Variants in IQCH observed in about 807,000 individuals in gnomAD.
IQCH encodes IQ domain-containing protein H.
A neutral mutation model predicts 117.0 loss-of-function variants in IQCH; 98 were observed. That is an observed-to-expected ratio of 0.84 (90% CI 0.71 to 0.99). The LOEUF (loss-of-function observed/expected upper bound fraction) is 0.99. Among genes scored for constraint, IQCH ranks in the 50% least tolerant of loss-of-function variants. The pLI, the probability that IQCH is intolerant of heterozygous loss-of-function variation, is 0.00. For missense variants in IQCH, 1,102 were observed against 1,243.8 expected (o/e 0.89, Z 1.72); for synonymous variants, 412 against 448.2 (o/e 0.92, Z 1.02).
At chr15:67,264,051 G>C (rs1965567888) in intron 3 of IQCH, among the ~76,000 whole-genome samples, 1 of 152,212 alleles carries the variant, frequency 6.6e-6, no homozygotes, top group African/African-American at 2.4e-5. Flanking sequence ...GTCAAGGAAA[G>C]CTGTAGACAT....
intron 18 of IQCH, among the ~76,000 whole-genome samples, chr15:67,478,209 A>T (rs181862920): frequency 6.6e-6 from 1 of 151,994 alleles, no homozygotes; most frequent in East Asian, 1.9e-4. Context: ...ACATGGTGAA[A>T]CTCCGTCTCT....
intron 18 of IQCH, among the ~76,000 whole-genome samples, chr15:67,480,290 A>G (rs2083309775): frequency 6.6e-6 from 1 of 152,222 alleles, no homozygotes; most frequent in African/African-American, 2.4e-5. Flanking sequence ...ATGGCCACAT[A>G]ACTTGCTTTG....
rs960399180 is a variant in IQCH, at chr15:67,433,349, G to A, written c.2505+11772G>A. 6.6e-6 allele frequency among the ~76,000 whole-genome samples: 1 copy of A among 152,178 alleles called. No individual in the cohort carries two copies. Among genetic ancestry groups the A allele is most frequent in the Non-Finnish European group, 1.5e-5 (1 of 68,034 alleles). ...TCTGTTTCTTAACACTGATAGTGCA[G>A]GTAAACTAGTGGCCAACTTTGCTAT... On this transcript the variant is annotated intron_variant, in intron 16 of 20. Coordinates refer to ENST00000335894, the MANE Select transcript of IQCH (RefSeq NM_001031715.3). This position sits in a 1 kb window ranked among gnomAD's most constrained non-coding sequence, Gnocchi z 5.4.
chr15:67,479,899 A>G lies in IQCH; in HGVS notation c.2799+4081A>G, dbSNP rs765293553. ...GAAAAAAGGGAAATGAGATCACTCT[A>G]TGAGTTTATTTTTCCTTGACACATA... On this transcript the variant is annotated intron_variant, in intron 18 of 20. Transcript: ENST00000335894. The surrounding 1 kb of genome is among the most constrained non-coding windows in gnomAD (Gnocchi z 4.6). Among the ~76,000 whole-genome samples, 17 of 152,208 alleles carry G rather than the reference A, an allele frequency of 1.1e-4. No homozygotes were observed. Among genetic ancestry groups the G allele is most frequent in the Non-Finnish European group, 2.4e-4 (16 of 68,032 alleles).
chr15:67,306,999 A>G lies in IQCH; in HGVS notation c.387+27487A>G, dbSNP rs1042419813. The G allele has an allele frequency of 5.2e-6, 7 of 1,354,096 alleles. No homozygotes were observed. The African/African-American group carries it at 7.5e-5, about 14-fold the overall frequency. The allele number at this position is 1,354,096 out of a possible 1,614,324, so 83.9% of individuals were successfully genotyped here. A position where few individuals can be genotyped will look rare whatever the true frequency, so the allele number is the denominator to read the frequency against. On this transcript the variant is annotated intron_variant, in intron 4 of 20. Coordinates refer to ENST00000335894, the MANE Select transcript of IQCH (RefSeq NM_001031715.3). ...AAGTGTTTCTTAAAAGGCTTGAAAC[A>G]TGTATCTGTTAACATGAATTTTAAA... is the stretch of plus-strand genomic sequence containing the variant.
Position 67,340,137 on chromosome 15 carries a change from G to C in IQCH, c.508+3042G>C, listed in dbSNP as rs190735658. Reference sequence around the variant, plus strand: ...ACGCATCAACCTTGATTCTTTAAAAGTGACTCGTCGGCCAGCACATTGGTT... The same window carrying C: ...ACGCATCAACCTTGATTCTTTAAAACTGACTCGTCGGCCAGCACATTGGTT... On this transcript the variant is annotated intron_variant, in intron 5 of 20. Transcript: ENST00000335894. Among the ~76,000 whole-genome samples, 4 of 152,012 alleles carry C rather than the reference G, an allele frequency of 2.6e-5. No individual in the cohort carries two copies. In the South Asian group the frequency reaches 8.3e-4, roughly 31 times the overall value.
Position 67,365,513 on chromosome 15 carries a change from A to G in IQCH, c.753+5628A>G, listed in dbSNP as rs1970301630. Among the ~76,000 whole-genome samples, 1 of 152,232 alleles carries G rather than the reference A, an allele frequency of 6.6e-6. No individual in the cohort carries two copies. Among genetic ancestry groups the G allele is most frequent in the Admixed American group, 6.5e-5 (1 of 15,276 alleles). On this transcript the variant is annotated intron_variant, in intron 8 of 20. Coordinates refer to ENST00000335894, the MANE Select transcript of IQCH (RefSeq NM_001031715.3). The surrounding 1 kb of genome is among the most constrained non-coding windows in gnomAD (Gnocchi z 4.4). ...GGCACTGGGGACACAACAATGAATG[A>G]AGCAAACCTAGTCCTTGTCCTCTTG...
intron 4 of IQCH, among the ~76,000 whole-genome samples, chr15:67,320,797 G>A (rs1296600696): frequency 1.3e-5 from 2 of 152,036 alleles, no homozygotes; most frequent in African/African-American, 4.8e-5. Context: ...AAGAATGCTG[G>A]TTCTTTGGAA....
Position 67,500,691 on chromosome 15 carries a change from T to C in IQCH, c.3029T>C (p.Phe1010Ser). The change falls in exon 21 of 21, where the codon TTT becomes TCT. Residue 1010 changes from phenylalanine to serine, a missense_variant. By Grantham distance (155) the Phe-to-Ser change is radical. Transcript: ENST00000335894. This position sits in a 1 kb window ranked among gnomAD's most constrained non-coding sequence, Gnocchi z 4.4. ...LRVTKENKMR[F>S]EEEQQSKDDK... Reference sequence around the variant, plus strand: ...GTAACAAAGGAAAACAAAATGAGATTTGAAGAGGAGCAACAGTCCAAAGAT... The same window carrying C: ...GTAACAAAGGAAAACAAAATGAGATCTGAAGAGGAGCAACAGTCCAAAGAT... 6.2e-7 allele frequency: 1 copy of C among 1,605,640 alleles called. No individual in the cohort carries two copies. Among genetic ancestry groups the C allele is most frequent in the Non-Finnish European group, 8.5e-7 (1 of 1,174,418 alleles).
intron 5 of IQCH, among the ~76,000 whole-genome samples, chr15:67,340,147 G>A (rs745542469): frequency 2.6e-5 from 4 of 151,874 alleles, no homozygotes; most frequent in Admixed American, 1.3e-4. Context: ...GTGACTCGTC[G>A]GCCAGCACAT....
At position 67,416,164 on chromosome 15, in the gene IQCH, C is replaced by T. The variant is rs901520621; in HGVS notation, c.2098-767C>T. 1.3e-5 allele frequency among the ~76,000 whole-genome samples: 2 copies of T among 152,162 alleles called. No homozygotes were observed. The highest frequency in any genetic ancestry group is 4.8e-5 in the African/African-American group (2 of 41,436). ...TTGGGAGGCCAAGGCGGGTGGATCA[C>T]CTGAGGTCAGGAGTTCGAGATCAGT... On this transcript the variant is annotated intron_variant, in intron 14 of 20. Coordinates refer to ENST00000335894, the MANE Select transcript of IQCH (RefSeq NM_001031715.3). This position sits in a 1 kb window ranked among gnomAD's most constrained non-coding sequence, Gnocchi z 5.1.
chr15:67,261,834 C>T (rs996950438), intron 2 of IQCH, among the ~76,000 whole-genome samples: 2 of 152,156 alleles, frequency 1.3e-5, no homozygotes, highest in Non-Finnish European at 2.9e-5. Flanking sequence ...GCCTGTAATC[C>T]AAGCACTTTG....
At chr15:67,378,855 G>T (rs1338797591) in intron 10 of IQCH, among the ~76,000 whole-genome samples, 2 of 151,980 alleles carry the variant, frequency 1.3e-5, no homozygotes, top group East Asian at 3.9e-4. Context: ...ATATTAAAAG[G>T]CTCGTTCAGT....
chr15:67,260,375 G>A (rs1271524914), intron 1 of IQCH, among the ~76,000 whole-genome samples: 1 of 152,122 alleles, frequency 6.6e-6, no homozygotes, highest in Admixed American at 6.5e-5. Context: ...AAATGTTAAA[G>A]TAATAATATA....
At chr15:67,492,537 G>A (rs1432415910) in intron 19 of IQCH, among the ~76,000 whole-genome samples, 1 of 152,184 alleles carries the variant, frequency 6.6e-6, no homozygotes, top group African/African-American at 2.4e-5. Context: ...CAACCGCAAA[G>A]AGTAAAGGGA....
At chr15:67,271,259 C>T (rs1346890265) in intron 3 of IQCH, among the ~76,000 whole-genome samples, 6 of 152,194 alleles carry the variant, frequency 3.9e-5, no homozygotes, top group African/African-American at 9.7e-5. Flanking sequence ...TGAGCCACCA[C>T]GCCCAGCCTA....
At chr15:67,398,744 T>C (rs1971546373) in intron 13 of IQCH, among the ~76,000 whole-genome samples, 1 of 150,352 alleles carries the variant, frequency 6.7e-6, no homozygotes, top group Non-Finnish European at 1.5e-5. Context: ...AAAAAAAAAA[T>C]TGTGGGCAAA....
Position 67,395,005 on chromosome 15 carries a change from G to A in IQCH, c.1633-286G>A, listed in dbSNP as rs1971414889. The stretch of plus-strand genomic sequence containing the variant: ...ACTTGCTATTACCCAAAGGCCGCCA[G>A]CCTCTTTTCCTTCTGACAGAAGGAT... On this transcript the variant is annotated intron_variant, in intron 12 of 20. Coordinates refer to ENST00000335894, the MANE Select transcript of IQCH (RefSeq NM_001031715.3). This position sits in a 1 kb window ranked among gnomAD's most constrained non-coding sequence, Gnocchi z 4.0. Among the ~76,000 whole-genome samples, 1 of 152,142 alleles carries A rather than the reference G, an allele frequency of 6.6e-6. No individual in the cohort carries two copies. Among genetic ancestry groups the A allele is most frequent in the Non-Finnish European group, 1.5e-5 (1 of 68,026 alleles).
Position 67,393,185 on chromosome 15 carries a change from C to T in IQCH, c.1633-2106C>T, listed in dbSNP as rs1018166325. 6.6e-6 allele frequency among the ~76,000 whole-genome samples: 1 copy of T among 152,210 alleles called. No individual in the cohort carries two copies. The highest frequency in any genetic ancestry group is 6.5e-5 in the Admixed American group (1 of 15,278). ...CCTAGAGACTTCTAATCCAACCCCT[C>T]ATTTGAATATGAGAAATTGAGACTC... On this transcript the variant is annotated intron_variant, in intron 12 of 20. Transcript: ENST00000335894. This position sits in a 1 kb window ranked among gnomAD's most constrained non-coding sequence, Gnocchi z 5.5.
Sources: allele counts gnomAD v4.1 joint callset (sites outside exome capture counted in the v4.1 genomes callset), GRCh38; gene constraint gnomAD v4.1.1; non-coding constraint Gnocchi (gnomAD v3.1); transcripts MANE v1.5; gene names NCBI Gene and HGNC (gene_info 2026-07-23, HGNC 2026-07-21).